The following OXSR1 variants were observed in gnomAD, a reference collection of about 807,000 sequenced individuals.
OXSR1 encodes the protein oxidative stress responsive kinase 1, also known as serine/threonine-protein kinase OSR1.
A neutral mutation model predicts 79.8 loss-of-function variants in OXSR1; 24 were observed. The ratio of observed to expected loss-of-function variants is 0.30; its 90% CI spans 0.22 to 0.42. The LOEUF (loss-of-function observed/expected upper bound fraction) is 0.42. Ranked by LOEUF, OXSR1 falls within the 10% of genes least tolerant of loss-of-function variation. The probability of loss-of-function intolerance (pLI) is 1.00; values close to 1 mark genes in which losing one functional copy is unlikely to be tolerated. For missense variants in OXSR1, 430 were observed against 618.4 expected (o/e 0.70, Z 3.23); for synonymous variants, 226 against 209.2 (o/e 1.08, Z -0.69).
chr3:38,250,783 T>C (rs541142066), intron 15 of OXSR1, among the ~76,000 whole-genome samples: 1 of 152,332 alleles, frequency 6.6e-6, no homozygotes, highest in South Asian at 2.1e-4. Context: ...TTCAAATTGC[T>C]GGTTGCCTGT....
intron 2 of OXSR1, among the ~76,000 whole-genome samples, chr3:38,186,572 CT>C (rs1434566062): frequency 6.6e-6 from 1 of 152,118 alleles, no homozygotes; most frequent in African/African-American, 2.4e-5. Flanking sequence ...AATATGTGGC[CT>C]TTTGTGTCTG....
At chr3:38,167,054 C>T (rs1701479663) in intron 1 of OXSR1, among the ~76,000 whole-genome samples, 1 of 152,070 alleles carries the variant, frequency 6.6e-6, no homozygotes, top group African/African-American at 2.4e-5. Flanking sequence ...GTTTTAGGAC[C>T]TGAAGGAAGG....
Position 38,224,639 on chromosome 3 carries a change from G to GA in OXSR1, c.777dup (p.Tyr260IlefsTer6). 1 of 1,593,480 alleles carries GA rather than the reference G, an allele frequency of 6.3e-7. No individual in the cohort carries two copies. The highest frequency in any genetic ancestry group is 1.4e-5 in the African/African-American group (1 of 74,020). ...CTGGTGTTCAAGATAAAGAAATGCTGAAAAAATATGGAAAATCATTTAGAA... is the reference window on the plus strand; with the variant it reads ...CTGGTGTTCAAGATAAAGAAATGCTGAAAAAAATATGGAAAATCATTTAGAA... On this transcript the variant is annotated frameshift_variant, in exon 8 of 18. Coordinates refer to ENST00000311806, the MANE Select transcript of OXSR1 (RefSeq NM_005109.3). LOFTEE classifies it high-confidence loss of function.
chr3:38,222,231 T>C (rs1028118637), intron 6 of OXSR1, among the ~76,000 whole-genome samples: 2 of 152,210 alleles, frequency 1.3e-5, no homozygotes, highest in Non-Finnish European at 2.9e-5. Flanking sequence ...TAGTCACATA[T>C]ACTCACAGCC....
chr3:38,246,251 C>CTCCTTTGGATAATGCCACTGCATTA, intron 13 of OXSR1, 30 bp downstream of exon 13: 1 of 1,611,118 alleles, frequency 6.2e-7, no homozygotes, highest in Non-Finnish European at 8.5e-7. Flanking sequence ...TTCATGGTCA[C>CTCCTTTGGATAATGCCACTGCATTA]TCCTTTGGAT....
intron 11 of OXSR1, among the ~76,000 whole-genome samples, chr3:38,240,067 G>A (rs1702997650): frequency 6.6e-6 from 1 of 152,136 alleles, no homozygotes; most frequent in Non-Finnish European, 1.5e-5. Flanking sequence ...GGCCTGAAGT[G>A]GAAGTCTACA....
chr3:38,226,830 T>C (rs1702699232), intron 8 of OXSR1, among the ~76,000 whole-genome samples: 1 of 151,660 alleles, frequency 6.6e-6, no homozygotes, highest in Non-Finnish European at 1.5e-5. Context: ...GAGTATCCTA[T>C]ACTAGATCCT....
At chr3:38,182,958 T>C (rs1157506936) in intron 1 of OXSR1, 45 bp from the exon 2 acceptor site, 2 of 1,011,522 alleles carry the variant, frequency 2.0e-6, no homozygotes, top group East Asian at 4.9e-5. Flanking sequence ...GTCATGTTTT[T>C]ATATATCCAT....
At chr3:38,237,047 T>A in intron 11 of OXSR1, 86 bp downstream of exon 11, 1 of 1,241,692 alleles carries the variant, frequency 8.1e-7, no homozygotes, top group South Asian at 1.8e-5. Context: ...AGAATACAAT[T>A]GTAACAGGAT....
At chr3:38,252,415 G>T in intron 17 of OXSR1, 23 bp downstream of exon 17, 1 of 1,537,020 alleles carries the variant, frequency 6.5e-7, no homozygotes, top group Non-Finnish European at 9.0e-7. Context: ...TCTTCCTTGT[G>T]AAAACATCTT....
intron 13 of OXSR1, among the ~76,000 whole-genome samples, chr3:38,246,738 C>CAT: frequency 6.6e-6 from 1 of 151,508 alleles, no homozygotes; most frequent in East Asian, 1.9e-4. Context: ...TTTATTAAAT[C>CAT]ATACTTCATT....
At chr3:38,239,503 C>T (rs936505226) in intron 11 of OXSR1, among the ~76,000 whole-genome samples, 4 of 152,176 alleles carry the variant, frequency 2.6e-5, no homozygotes, top group Non-Finnish European at 4.4e-5. Flanking sequence ...ATTACTGAGA[C>T]AAGACCTTTT....
intron 5 of OXSR1, among the ~76,000 whole-genome samples, chr3:38,218,423 G>A (rs555023441): frequency 6.6e-6 from 1 of 152,110 alleles, no homozygotes; most frequent in Non-Finnish European, 1.5e-5. Context: ...ATTAGTGATG[G>A]TGAACATCTT....
chr3:38,184,792 A>T lies in OXSR1; in HGVS notation c.183+1677A>T, dbSNP rs570752949. Among the ~76,000 whole-genome samples the T allele has an allele frequency of 3.3e-5, 5 of 151,656 alleles. No homozygotes were observed. In the South Asian group the frequency reaches 1.1e-3, roughly 32 times the overall value. ...AAGGAAGTAAATCATATAATAAGTG[A>T]TAGAGTCTGGATTAAAAATCAGGTC... is the stretch of plus-strand genomic sequence containing the variant. On this transcript the variant is annotated intron_variant, in intron 2 of 17. Coordinates refer to ENST00000311806, the MANE Select transcript of OXSR1 (RefSeq NM_005109.3).
intron 4 of OXSR1, among the ~76,000 whole-genome samples, chr3:38,211,865 A>C (rs939439648): frequency 6.6e-6 from 1 of 152,088 alleles, no homozygotes; most frequent in Non-Finnish European, 1.5e-5. Context: ...TTTATCCAGC[A>C]TCTCTTTGTG....
chr3:38,204,047 C>A (rs1702220772), intron 4 of OXSR1, among the ~76,000 whole-genome samples: 1 of 152,164 alleles, frequency 6.6e-6, no homozygotes, highest in Non-Finnish European at 1.5e-5. Flanking sequence ...ATCCAAACCA[C>A]AAGACAGGGT....
intron 5 of OXSR1, among the ~76,000 whole-genome samples, chr3:38,221,356 G>A (rs910597038): frequency 5.3e-5 from 8 of 152,140 alleles, no homozygotes; most frequent in Admixed American, 3.9e-4. Flanking sequence ...CTGAGCTCAA[G>A]TGAGCCTCCT....
intron 2 of OXSR1, among the ~76,000 whole-genome samples, chr3:38,184,817 C>A (rs1011689439): frequency 1.5e-5 from 2 of 131,976 alleles, no homozygotes; most frequent in African/African-American, 5.6e-5. Context: ...AAAATCAGGT[C>A]TTTCTGACTT....
intron 12 of OXSR1, among the ~76,000 whole-genome samples, chr3:38,245,559 T>C (rs944585393): frequency 3.9e-5 from 6 of 152,230 alleles, no homozygotes; most frequent in African/African-American, 7.2e-5. Flanking sequence ...GGTGCTGTTT[T>C]GCTGGGCAAA....
Sources: allele counts gnomAD v4.1 joint callset (sites outside exome capture counted in the v4.1 genomes callset), GRCh38; gene constraint gnomAD v4.1.1; transcripts MANE v1.5; gene names NCBI Gene and HGNC (gene_info 2026-07-23, HGNC 2026-07-21).